The following ZNF804B variants were observed in gnomAD, a reference collection of about 807,000 sequenced individuals.
The protein encoded by ZNF804B is zinc finger protein 804B.
Under a neutral mutation model 101.4 loss-of-function variants are expected in ZNF804B, and 80 were observed. The observed-to-expected ratio is 0.79, with a 90% CI of 0.66 to 0.95. The LOEUF is 0.95. Among genes scored for constraint, ZNF804B ranks in the 40% least tolerant of loss-of-function variants. ZNF804B has a pLI of 0.00. For synonymous variants in ZNF804B, 622 were observed against 558.8 expected (o/e 1.11, Z -1.59); for missense variants, 1,673 against 1,561.9 (o/e 1.07, Z -1.20).
intron 1 of ZNF804B, among the ~76,000 whole-genome samples, chr7:89,146,788 G>T (rs1048573003): frequency 1.3e-4 from 20 of 152,074 alleles, no homozygotes; most frequent in African/African-American, 4.8e-4. Context: ...TACTTCGGGA[G>T]GCTGAGACGG....
chr7:89,062,861 T>TTATGAAA (rs751351696), intron 1 of ZNF804B, among the ~76,000 whole-genome samples: 1 of 152,152 alleles, frequency 6.6e-6, no homozygotes, highest in Admixed American at 6.6e-5. Flanking sequence ...AAGGATCCAC[T>TTATGAAA]TATGAAATAA....
At chr7:88,880,235 T>G (rs1373323734) in intron 1 of ZNF804B, among the ~76,000 whole-genome samples, 1 of 152,216 alleles carries the variant, frequency 6.6e-6, no homozygotes, top group African/African-American at 2.4e-5. Flanking sequence ...TTGTGCAGTT[T>G]GTAATCTGAA....
rs116468528 is a variant in ZNF804B, at chr7:89,000,210, A to G, written c.109-217945A>G. ...TTCATGTACTGCATGACACAAACAA[A>G]CAAGGTAGAGAATTTTTCTGAATGT... On this transcript the variant is annotated intron_variant, in intron 1 of 3. Coordinates refer to ENST00000333190, the MANE Select transcript of ZNF804B (RefSeq NM_181646.5). Among the ~76,000 whole-genome samples the G allele has an allele frequency of 1.7e-3, 252 of 152,098 alleles. 1 individual carries two copies. Among genetic ancestry groups the G allele is most frequent in the African/African-American group, 5.3e-3 (222 of 41,558 alleles).
At chr7:88,901,141 G>T (rs1463368454) in intron 1 of ZNF804B, among the ~76,000 whole-genome samples, 1 of 151,692 alleles carries the variant, frequency 6.6e-6, no homozygotes, top group Non-Finnish European at 1.5e-5. Context: ...AAAAAGTGTT[G>T]TGAGCTATTT....
At chr7:89,296,278 A>T (rs1337528592) in intron 2 of ZNF804B, among the ~76,000 whole-genome samples, 1 of 152,108 alleles carries the variant, frequency 6.6e-6, no homozygotes, top group African/African-American at 2.4e-5. Context: ...ATCTCTATCT[A>T]TTGATGATTC....
At chr7:88,887,809 C>G (rs1218239323) in intron 1 of ZNF804B, among the ~76,000 whole-genome samples, 3 of 150,950 alleles carry the variant, frequency 2.0e-5, no homozygotes, top group African/African-American at 7.3e-5. Flanking sequence ...ACACTTTCTG[C>G]TCATTACTAC....
intron 2 of ZNF804B, among the ~76,000 whole-genome samples, chr7:89,219,346 T>G (rs1402062102): frequency 6.7e-6 from 1 of 149,708 alleles, no homozygotes; most frequent in African/African-American, 2.6e-5. Flanking sequence ...CTAAGCATAC[T>G]CTCTTAAGAA....
intron 1 of ZNF804B, among the ~76,000 whole-genome samples, chr7:89,184,528 G>A (rs907770581): frequency 3.3e-5 from 5 of 152,142 alleles, no homozygotes; most frequent in Admixed American, 6.5e-5. Context: ...TATCAGTTTC[G>A]TGTTCATGTG....
intron 1 of ZNF804B, among the ~76,000 whole-genome samples, chr7:89,044,107 A>C (rs946604467): frequency 1.3e-5 from 2 of 152,214 alleles, no homozygotes; most frequent in Non-Finnish European, 2.9e-5. Flanking sequence ...GGAGGCATTC[A>C]GTGGAAGGTA....
At chr7:88,908,436 C>T (rs184816129) in intron 1 of ZNF804B, among the ~76,000 whole-genome samples, 37 of 151,638 alleles carry the variant, frequency 2.4e-4, no homozygotes, top group Non-Finnish European at 2.4e-4. Context: ...ATGACTAAAA[C>T]AATAAAATTA....
intron 1 of ZNF804B, among the ~76,000 whole-genome samples, chr7:89,004,044 T>C (rs1387895307): frequency 9.1e-5 from 11 of 120,628 alleles, no homozygotes; most frequent in Non-Finnish European, 1.5e-4. Context: ...GAAAATGTGA[T>C]CCTGAATGAG....
At chr7:89,195,409 G>C (rs1291166247) in intron 1 of ZNF804B, among the ~76,000 whole-genome samples, 201 of 119,864 alleles carry the variant, frequency 1.7e-3, no homozygotes, top group African/African-American at 1.9e-3. Flanking sequence ...GTCCCTGTTT[G>C]CAGATGACAT....
intron 1 of ZNF804B, among the ~76,000 whole-genome samples, chr7:89,053,450 T>C (rs1370160608): frequency 6.6e-6 from 1 of 152,130 alleles, no homozygotes; most frequent in Admixed American, 6.6e-5. Flanking sequence ...AATTTTTTCT[T>C]GAGCTATTCA....
intron 1 of ZNF804B, among the ~76,000 whole-genome samples, chr7:88,925,201 C>A (rs892158108): frequency 6.6e-6 from 1 of 152,130 alleles, no homozygotes; most frequent in Non-Finnish European, 1.5e-5. Flanking sequence ...CACTCACTGT[C>A]CTCTGAGGCC....
intron 1 of ZNF804B, among the ~76,000 whole-genome samples, chr7:88,892,363 C>T (rs577686815): frequency 1.3e-5 from 2 of 152,142 alleles, no homozygotes; most frequent in South Asian, 2.1e-4. Flanking sequence ...CTGTAGATAT[C>T]TTAATTTCCA....
chr7:88,947,543 G>A (rs960144232), intron 1 of ZNF804B, among the ~76,000 whole-genome samples: 6 of 151,580 alleles, frequency 4.0e-5, no homozygotes, highest in Non-Finnish European at 8.8e-5. Context: ...GAAGGGAGGG[G>A]TAGCATTAGG....
chr7:89,119,443 A>G (rs904301081), intron 1 of ZNF804B, among the ~76,000 whole-genome samples: 2 of 152,228 alleles, frequency 1.3e-5, no homozygotes, highest in African/African-American at 4.8e-5. Context: ...TCACTAAACT[A>G]CCTTTCCAGC....
At chr7:89,272,753 G>A (rs955756555) in intron 2 of ZNF804B, among the ~76,000 whole-genome samples, 1 of 152,000 alleles carries the variant, frequency 6.6e-6, no homozygotes, top group African/African-American at 2.4e-5. Flanking sequence ...TAGATTTATA[G>A]GTGGAAAGTT....
intron 1 of ZNF804B, among the ~76,000 whole-genome samples, chr7:88,781,317 T>C (rs1790222466): frequency 6.6e-6 from 1 of 152,174 alleles, no homozygotes; most frequent in Non-Finnish European, 1.5e-5. Context: ...ATGTTCTTCC[T>C]GAGGATATTA....
Sources: gnomAD v4.1 joint callset for allele counts (sites outside exome capture counted in the v4.1 genomes callset) on GRCh38, gnomAD v4.1.1 for gene constraint, MANE v1.5 for transcripts, NCBI Gene and HGNC (gene_info 2026-07-23, HGNC 2026-07-21) for gene names.